The following PRKCE variants were observed in gnomAD, a reference collection of about 807,000 sequenced individuals.
PRKCE encodes the protein protein kinase C epsilon type.
In PRKCE, 16 loss-of-function variants were observed where a neutral mutation model predicts 85.4. The observed-to-expected ratio is 0.19, with a 90% CI of 0.13 to 0.28. The LOEUF is 0.28. Ranked by LOEUF, PRKCE falls within the 10% of genes least tolerant of loss-of-function variation. The pLI is 1.00. For missense variants in PRKCE, 573 were observed against 975.2 expected (o/e 0.59, Z 5.49); for synonymous variants, 388 against 371.5 (o/e 1.04, Z -0.51).
chr2:45,879,077 C>T (rs1057170047), intron 2 of PRKCE, among the ~76,000 whole-genome samples: 29 of 152,346 alleles, frequency 1.9e-4, no homozygotes, highest in African/African-American at 1.4e-4. Context: ...TTTTCCCACT[C>T]GAATGTTGCC....
intron 9 of PRKCE, 114 bp from the exon 10 acceptor site, chr2:46,010,230 A>G (rs1271980582): frequency 6.6e-6 from 8 of 1,214,232 alleles, no homozygotes; most frequent in Non-Finnish European, 7.8e-6. Context: ...TTGTTATAAT[A>G]TTTAAAATTA....
At chr2:45,866,784 C>T (rs561613184) in intron 2 of PRKCE, among the ~76,000 whole-genome samples, 1 of 152,352 alleles carries the variant, frequency 6.6e-6, no homozygotes, top group South Asian at 2.1e-4. Context: ...AACATGCGTC[C>T]AGGGGCTGCC....
rs557268819 is a variant in PRKCE at position 45,908,427 on chromosome 2, A to C, written c.412+65364A>C. Among the ~76,000 whole-genome samples the C allele has an allele frequency of 2.4e-4, 37 of 152,296 alleles. 1 individual carries two copies. The South Asian group carries it at 5.0e-3, about 21-fold the overall frequency. ...CCAAACGCTAAGTAAGTGTGACTGG[A>C]AGCGACTGCTCCACTCTCTCTCGCC... On this transcript the variant is annotated intron_variant, in intron 2 of 14. Transcript: ENST00000306156.
At chr2:45,768,841 C>G (rs951051300) in intron 1 of PRKCE, among the ~76,000 whole-genome samples, 5 of 152,194 alleles carry the variant, frequency 3.3e-5, no homozygotes, top group Non-Finnish European at 7.3e-5. Context: ...TTAATTATAT[C>G]CAAATGTTGT....
chr2:46,118,896 C>T (rs1463963113), intron 11 of PRKCE, among the ~76,000 whole-genome samples: 1 of 152,134 alleles, frequency 6.6e-6, no homozygotes, highest in Admixed American at 6.5e-5. Context: ...GAGTCTCATT[C>T]GAACAACCTG....
chr2:46,166,201 G>A (rs1678325103), intron 14 of PRKCE, among the ~76,000 whole-genome samples: 1 of 152,228 alleles, frequency 6.6e-6, no homozygotes. Flanking sequence ...GACCTGAGGA[G>A]GAGCCCTGTT....
chr2:45,888,465 CTTTTTTTTTTTTTTTT>C, intron 2 of PRKCE, among the ~76,000 whole-genome samples: 1 of 74,762 alleles, frequency 1.3e-5, no homozygotes, highest in Middle Eastern at 0.01. Context: ...TCCCAACAGT[CTTTTTTTTTTTTTTTT>C]TTTTTTTTGA....
intron 2 of PRKCE, among the ~76,000 whole-genome samples, chr2:45,916,969 T>G (rs1697836082): frequency 1.3e-5 from 2 of 152,160 alleles, no homozygotes; most frequent in Non-Finnish European, 2.9e-5. Context: ...ATAAAGGCAG[T>G]GTGGACCCAA....
chr2:45,658,150 T>G (rs751729264), intron 1 of PRKCE, among the ~76,000 whole-genome samples: 3 of 152,136 alleles, frequency 2.0e-5, no homozygotes, highest in African/African-American at 7.2e-5. Context: ...TGTCCATACC[T>G]CCTTCGTGTG....
In PRKCE at chr2:46,115,394, A is replaced by C. The variant is rs114217447; in HGVS notation, c.1592+29032A>C. Reference sequence around the variant, plus strand: ...GTACAAAGAGAAGCACATCTCATAAAACCCAAATTCACAGTGAAAAATTTT... The same window carrying C: ...GTACAAAGAGAAGCACATCTCATAACACCCAAATTCACAGTGAAAAATTTT... On this transcript the variant is annotated intron_variant, in intron 11 of 14. Transcript: ENST00000306156. Among the ~76,000 whole-genome samples, 1,304 of 152,304 alleles carry C rather than the reference A, an allele frequency of 8.6e-3. 18 individuals are homozygous for C. Among genetic ancestry groups the C allele is most frequent in the African/African-American group, 0.03 (1,267 of 41,570 alleles).
intron 2 of PRKCE, among the ~76,000 whole-genome samples, chr2:45,859,480 T>A (rs1692972491): frequency 6.6e-6 from 1 of 152,234 alleles, no homozygotes; most frequent in Non-Finnish European, 1.5e-5. Context: ...TCATGAATAT[T>A]TGGTATTATC....
chr2:46,048,334 T>C (rs977703494), intron 10 of PRKCE, among the ~76,000 whole-genome samples: 6 of 152,242 alleles, frequency 3.9e-5, no homozygotes, highest in African/African-American at 1.4e-4. Context: ...CTACAGCCTA[T>C]TGAAAAGTCT....
intron 2 of PRKCE, among the ~76,000 whole-genome samples, chr2:45,879,834 G>T (rs926052360): frequency 5.3e-5 from 8 of 152,212 alleles, no homozygotes; most frequent in African/African-American, 1.9e-4. Flanking sequence ...ATCAGATCAG[G>T]ATAATTAGCA....
intron 2 of PRKCE, among the ~76,000 whole-genome samples, chr2:45,843,515 C>G (rs551717425): frequency 6.6e-6 from 1 of 152,352 alleles, no homozygotes; most frequent in African/African-American, 2.4e-5. Context: ...TTTACACAGA[C>G]AAAAGCTCTG....
At position 46,155,262 on chromosome 2, in the gene PRKCE, A is replaced by G. The variant is rs1437066731; in HGVS notation, c.1920+4033A>G. 6.6e-6 allele frequency among the ~76,000 whole-genome samples: 1 copy of G among 152,202 alleles called. No individual in the cohort carries two copies. The highest frequency in any genetic ancestry group is 1.5e-5 in the Non-Finnish European group (1 of 68,032). ...TCAATTAAATGATTACAACTAGTTC[A>G]ACTGAGAGCCAAGGAAAACTTTGAC... On this transcript the variant is annotated intron_variant, in intron 13 of 14. Transcript: ENST00000306156. The surrounding 1 kb of genome is among the most constrained non-coding windows in gnomAD (Gnocchi z 4.7).
chr2:45,917,671 C>G (rs1265203902), intron 2 of PRKCE, among the ~76,000 whole-genome samples: 1 of 152,264 alleles, frequency 6.6e-6, no homozygotes, highest in Non-Finnish European at 1.5e-5. Flanking sequence ...CATGCGCCCG[C>G]ACTCCTCAGC....
chr2:45,670,401 C>T (rs1014194418), intron 1 of PRKCE, among the ~76,000 whole-genome samples: 2 of 152,196 alleles, frequency 1.3e-5, no homozygotes, highest in Middle Eastern at 3.4e-3. Context: ...AAATCAATTG[C>T]GTGGATCTCT....
chr2:45,903,903 GT>G, intron 2 of PRKCE, among the ~76,000 whole-genome samples: 1 of 82,054 alleles, frequency 1.2e-5, no homozygotes, highest in African/African-American at 3.9e-5. Flanking sequence ...TTGTTTGTTT[GT>G]TTGTTTGTTT....
At chr2:45,988,390 C>T (rs1371258540) in intron 6 of PRKCE, among the ~76,000 whole-genome samples, 1 of 152,208 alleles carries the variant, frequency 6.6e-6, no homozygotes. Flanking sequence ...TGTGTGTACC[C>T]TTCTGGGGAC....
Sources: gnomAD v4.1 joint callset for allele counts (sites outside exome capture counted in the v4.1 genomes callset) on GRCh38, gnomAD v4.1.1 for gene constraint, Gnocchi (gnomAD v3.1) non-coding constraint, MANE v1.5 for transcripts, NCBI Gene and HGNC (gene_info 2026-07-23, HGNC 2026-07-21) for gene names.